The following VAV2 variants were observed in gnomAD, a reference collection of about 807,000 sequenced individuals.
VAV2 encodes vav guanine nucleotide exchange factor 2.
In VAV2, 67 loss-of-function variants were observed where a neutral mutation model predicts 132.5. The ratio of observed to expected loss-of-function variants is 0.51; its 90% CI spans 0.42 to 0.62. VAV2 has a LOEUF of 0.62. Ranked by LOEUF, VAV2 falls within the 20% of genes least tolerant of loss-of-function variation. The pLI, the probability that VAV2 is intolerant of heterozygous loss-of-function variation, is 0.00. For missense variants in VAV2, 938 were observed against 1,153.6 expected (o/e 0.81, Z 2.71); for synonymous variants, 492 against 443.5 (o/e 1.11, Z -1.37).
chr9:133,868,890 A>T (rs1335950007), intron 2 of VAV2, among the ~76,000 whole-genome samples: 1 of 152,220 alleles, frequency 6.6e-6, no homozygotes, highest in Non-Finnish European at 1.5e-5. Context: ...ACAAAGGGAA[A>T]TCAAGCTGGG....
chr9:133,848,840 C>T (rs781516881), intron 3 of VAV2, among the ~76,000 whole-genome samples: 39 of 152,322 alleles, frequency 2.6e-4, no homozygotes, highest in Non-Finnish European at 4.7e-4. Context: ...CACCCAGGCC[C>T]GTGTTTGGGT....
chr9:133,860,912 C>T (rs755842073), intron 3 of VAV2, among the ~76,000 whole-genome samples: 8 of 152,134 alleles, frequency 5.3e-5, no homozygotes, highest in Non-Finnish European at 8.8e-5. Flanking sequence ...GCAGAATAAA[C>T]GGAGAGTGGA....
chr9:133,773,602 G>A (rs582682), intron 25 of VAV2, among the ~76,000 whole-genome samples: 56,316 of 151,808 alleles, frequency 0.37, 11,013 homozygotes, highest in Non-Finnish European at 0.44. Context: ...GCTGTACAAA[G>A]ATATTTTATT....
intron 1 of VAV2, among the ~76,000 whole-genome samples, chr9:133,959,708 A>T (rs1431148082): frequency 1.3e-5 from 2 of 152,358 alleles, no homozygotes; most frequent in East Asian, 3.9e-4. Context: ...AGAAGAGGCC[A>T]TCCCAGGTTA....
At chr9:133,855,338 G>C (rs112340873) in intron 3 of VAV2, among the ~76,000 whole-genome samples, 1 of 152,242 alleles carries the variant, frequency 6.6e-6, no homozygotes, top group South Asian at 2.1e-4. Flanking sequence ...TCACATGAGA[G>C]GTATTTGGTA....
intron 25 of VAV2, among the ~76,000 whole-genome samples, chr9:133,774,662 A>G (rs1259559096): frequency 2.0e-5 from 3 of 152,170 alleles, no homozygotes; most frequent in Non-Finnish European, 2.9e-5. Flanking sequence ...TCTGGTTCCC[A>G]TGACCCAGAA....
chr9:133,861,567 T>C lies in VAV2; in HGVS notation c.322-135A>G, dbSNP rs1837598309. The C allele has an allele frequency of 7.9e-6, 7 of 885,188 alleles. No individual in the cohort carries two copies. In the Admixed American group the frequency reaches 1.9e-4, roughly 24 times the overall value. 54.8% of individuals were successfully genotyped at this position (885,188 alleles called of 1,614,324 possible). On this transcript the variant is annotated intron_variant, in intron 2 of 29. Transcript: ENST00000371850. The stretch of plus-strand genomic sequence containing the variant: ...TCGCATCTGGGTAAGAAACACGGCA[T>C]AGCGTTTTGTAGGCTAGACACTTGT...
chr9:133,978,115 G>A (rs932216947), intron 1 of VAV2, among the ~76,000 whole-genome samples: 5 of 152,240 alleles, frequency 3.3e-5, no homozygotes, highest in South Asian at 2.1e-4. Context: ...GGAGGCACAC[G>A]GTGTTCGAGG....
chr9:133,916,365 C>T (rs1840090790), intron 2 of VAV2, among the ~76,000 whole-genome samples: 1 of 152,242 alleles, frequency 6.6e-6, no homozygotes, highest in Admixed American at 6.5e-5. Flanking sequence ...GAAAGTTTCT[C>T]TCCACGGGAT....
At chr9:133,927,464 G>A (rs543539549) in intron 2 of VAV2, among the ~76,000 whole-genome samples, 7 of 152,256 alleles carry the variant, frequency 4.6e-5, no homozygotes, top group South Asian at 2.1e-4. Context: ...CCGATTCCAC[G>A]GGGCAGTCTT....
intron 5 of VAV2, among the ~76,000 whole-genome samples, chr9:133,810,931 T>G (rs1464276841): frequency 6.6e-6 from 1 of 152,202 alleles, no homozygotes; most frequent in African/African-American, 2.4e-5. Context: ...GGGAGTGAAC[T>G]GGCCTTGACC....
At chr9:133,847,599 G>A (rs963557731) in intron 3 of VAV2, among the ~76,000 whole-genome samples, 22 of 152,154 alleles carry the variant, frequency 1.4e-4, no homozygotes, top group African/African-American at 2.7e-4. Context: ...TACTGGGCCC[G>A]GAACCCTGGC....
chr9:133,801,110 T>TCACA (rs1834911987), intron 9 of VAV2, among the ~76,000 whole-genome samples: 1 of 152,240 alleles, frequency 6.6e-6, no homozygotes, highest in Admixed American at 6.5e-5. Context: ...CACCAGGCAC[T>TCACA]CACACACGGC....
chr9:133,807,396 G>C, intron 7 of VAV2, 70 bp from the exon 8 acceptor site: 1 of 1,498,170 alleles, frequency 6.7e-7, no homozygotes, highest in Non-Finnish European at 9.0e-7. Context: ...CAGCTGCCAG[G>C]GGAGGGTCCC....
chr9:133,843,145 A>G (rs890719579), intron 3 of VAV2, among the ~76,000 whole-genome samples: 25 of 152,276 alleles, frequency 1.6e-4, no homozygotes, highest in Admixed American at 1.2e-3. Context: ...CTTTCCACCC[A>G]TGGCCACACC....
In VAV2 at chr9:133,802,606, G is replaced by T. The variant is rs1051486920; in HGVS notation, c.836+3475C>A. Among the ~76,000 whole-genome samples, 37 of 152,222 alleles carry T rather than the reference G, an allele frequency of 2.4e-4. No homozygotes were observed. Among genetic ancestry groups the T allele is most frequent in the African/African-American group, 8.7e-4 (36 of 41,446 alleles). On this transcript the variant is annotated intron_variant, in intron 9 of 29. Coordinates refer to ENST00000371850, the MANE Select transcript of VAV2 (RefSeq NM_001134398.2). The surrounding 1 kb of genome is among the most constrained non-coding windows in gnomAD (Gnocchi z 5.8). The stretch of plus-strand genomic sequence containing the variant: ...TGGTTCCCTTGCTCGTGAGTTGACA[G>T]ACCCGTGGCCCGAGCTCCGTGGGTA...
chr9:133,806,434 C>T (rs918777407), intron 8 of VAV2, among the ~76,000 whole-genome samples: 1 of 152,188 alleles, frequency 6.6e-6, no homozygotes, highest in Non-Finnish European at 1.5e-5. Flanking sequence ...CCATCAGACA[C>T]GCAGCGGCCG....
At chr9:133,959,780 G>A (rs963283062) in intron 1 of VAV2, among the ~76,000 whole-genome samples, 41 of 152,220 alleles carry the variant, frequency 2.7e-4, no homozygotes, top group African/African-American at 9.2e-4. Context: ...GAGAGGCACA[G>A]GGATGAGGCC....
At chr9:133,914,419 G>A (rs993957719) in intron 2 of VAV2, among the ~76,000 whole-genome samples, 1 of 151,338 alleles carries the variant, frequency 6.6e-6, no homozygotes, top group African/African-American at 2.4e-5. Flanking sequence ...TACCTGGACC[G>A]TGGAATATTC....
Sources: gnomAD v4.1 joint callset for allele counts (sites outside exome capture counted in the v4.1 genomes callset) on GRCh38, gnomAD v4.1.1 for gene constraint, Gnocchi (gnomAD v3.1) non-coding constraint, MANE v1.5 for transcripts, NCBI Gene and HGNC (gene_info 2026-07-23, HGNC 2026-07-21) for gene names.